The following DNAH11 variants were observed in gnomAD, a reference collection of about 807,000 sequenced individuals.
The protein encoded by DNAH11 is axonemal beta dynein heavy chain 11.
A neutral mutation model predicts 526.0 loss-of-function variants in DNAH11; 442 were observed. The observed-to-expected ratio is 0.84, with a 90% CI of 0.78 to 0.91. The LOEUF (loss-of-function observed/expected upper bound fraction) is 0.91. Ranked by LOEUF, DNAH11 falls within the 40% of genes least tolerant of loss-of-function variation. The pLI is 0.00. For missense variants in DNAH11, 6,989 were observed against 5,448.7 expected, an observed-to-expected ratio of 1.28 and a Z score of -8.90; for synonymous variants, 2,461 against 1,935.9, an observed-to-expected ratio of 1.27 and a Z score of -7.12.
chr7:21,790,398 C>G (rs1447390717), intron 61 of DNAH11, among the ~76,000 whole-genome samples: 1 of 152,090 alleles, frequency 6.6e-6, no homozygotes, highest in African/African-American at 2.4e-5. Flanking sequence ...TGCAGTGAGC[C>G]AAGATCACAC....
Position 21,702,752 on chromosome 7 carries a change from G to A in DNAH11, c.6223G>A (p.Val2075Ile), listed in dbSNP as rs1421984261. 1.2e-6 allele frequency: 2 copies of A among 1,613,544 alleles called. No homozygotes were observed. The highest frequency in any genetic ancestry group is 1.3e-5 in the African/African-American group (1 of 74,888). ...WGLRAIKSVL[V>I]VAGSLKRGDK... ...ACTTCGTGCTATTAAGTCTGTCTTG[G>A]TTGTGGCTGGATCTCTGAAACGAGG... The change falls in exon 37 of 82, where the codon GTT becomes ATT. Residue 2075 changes from valine (V) to isoleucine (I), a missense_variant. Coordinates refer to ENST00000409508, the MANE Select transcript of DNAH11 (RefSeq NM_001277115.2).
At position 21,735,851 on chromosome 7, in the gene DNAH11, G is replaced by A; in HGVS notation, c.7645+7G>A. ...ACATCCACAGCTCTGCAAAGTAAGT[G>A]CACCTGTTTATTTTCTAGAAACAAG... On this transcript the variant is annotated splice_region_variant and intron_variant, in intron 46 of 81. Coordinates refer to ENST00000409508, the MANE Select transcript of DNAH11 (RefSeq NM_001277115.2). The A allele has an allele frequency of 6.3e-7, 1 of 1,582,700 alleles. No homozygotes were observed. The highest frequency in any genetic ancestry group is 8.6e-7 in the Non-Finnish European group (1 of 1,161,594).
Position 21,873,331 on chromosome 7 carries a change from A to G in DNAH11, c.12025A>G (p.Ser4009Gly), listed in dbSNP as rs1270225505. 6.8e-6 allele frequency: 11 copies of G among 1,611,268 alleles called. No homozygotes were observed. The Admixed American group carries it at 1.2e-4, about 17-fold the overall frequency. The change falls in exon 74 of 82, where the codon AGC becomes GGC. Residue 4009 changes from serine (S) to glycine (G), a missense_variant. Ser to Gly is a moderately conservative substitution (Grantham distance 56). Transcript: ENST00000409508. ...GTLEKLLERFSQGSHRDYRVF... is the reference protein window; with the variant it reads ...GTLEKLLERFGQGSHRDYRVF... The stretch of plus-strand genomic sequence containing the variant: ...CTTGGAGAAGCTCCTTGAAAGATTC[A>G]GCCAAGGAAGCCACAGAGATTACAG...
At chr7:21,773,465 C>T (rs1787525271) in intron 55 of DNAH11, among the ~76,000 whole-genome samples, 1 of 151,830 alleles carries the variant, frequency 6.6e-6, no homozygotes, top group African/African-American at 2.4e-5. Context: ...CTCTTTCACA[C>T]ACTCGGTAGA....
chr7:21,858,994 G>C (rs1276851673), intron 68 of DNAH11, among the ~76,000 whole-genome samples: 1 of 152,122 alleles, frequency 6.6e-6, no homozygotes, highest in Non-Finnish European at 1.5e-5. Flanking sequence ...GATGCCCCAA[G>C]TGGAAAATTC....
chr7:21,577,634 C>A (rs1011345070), intron 8 of DNAH11, among the ~76,000 whole-genome samples: 4 of 152,160 alleles, frequency 2.6e-5, no homozygotes, highest in Admixed American at 6.5e-5. Context: ...TAACAAGGAG[C>A]CCCGCCCACC....
At chr7:21,889,307 T>C (rs1009017238) in intron 76 of DNAH11, among the ~76,000 whole-genome samples, 8 of 152,230 alleles carry the variant, frequency 5.3e-5, no homozygotes, top group South Asian at 4.1e-4. Context: ...CAGTGGACAT[T>C]TGGGTTGTTT....
chr7:21,611,483 T>C (rs1469729246), intron 20 of DNAH11, among the ~76,000 whole-genome samples: 1 of 152,192 alleles, frequency 6.6e-6, no homozygotes, highest in Non-Finnish European at 1.5e-5. Context: ...CATGTATCTA[T>C]TTATTTTTTC....
chr7:21,593,356 C>A (rs899234294), intron 14 of DNAH11, among the ~76,000 whole-genome samples: 1 of 152,186 alleles, frequency 6.6e-6, no homozygotes, highest in African/African-American at 2.4e-5. Flanking sequence ...TGGGAGTGGG[C>A]TGATGAGAGA....
intron 66 of DNAH11, among the ~76,000 whole-genome samples, chr7:21,844,699 C>G (rs1485501953): frequency 6.6e-6 from 1 of 152,184 alleles, no homozygotes; most frequent in Non-Finnish European, 1.5e-5. Context: ...TGGCCACACC[C>G]CAGATCCCAC....
chr7:21,638,990 A>G lies in DNAH11; in HGVS notation c.4869A>G (p.Ile1623Met), dbSNP rs549464041. ...CTGAATACCTGGAAACCAAGCGCAT[A>G]GCCTTTCCTCGCTTCTATTTCGTCT... The part of the protein sequence containing the change: ...ALAEYLETKR[I>M]AFPRFYFVSS... Residue 1623 changes from isoleucine to methionine, a missense_variant, in exon 28 of 82, where the codon ATA becomes ATG. Physicochemically the swap from Ile to Met is conservative, Grantham distance 10 (BLOSUM62 1). Transcript: ENST00000409508. 23 of 1,613,786 alleles carry G rather than the reference A, an allele frequency of 1.4e-5. No individual in the cohort carries two copies. The African/African-American group carries it at 2.1e-4, about 15-fold the overall frequency.
rs146213619 is a variant in DNAH11, at chr7:21,830,308, A to G, written c.10691+11969A>G. Among the ~76,000 whole-genome samples, 288 of 152,324 alleles carry G rather than the reference A, an allele frequency of 1.9e-3. 1 individual carries two copies. The highest frequency in any genetic ancestry group is 6.3e-3 in the African/African-American group (261 of 41,556). On this transcript the variant is annotated intron_variant, in intron 65 of 81. Coordinates refer to ENST00000409508, the MANE Select transcript of DNAH11 (RefSeq NM_001277115.2). Reference sequence around the variant, plus strand: ...AATTAATAATTCAATTTATGAATCTATTGACCAGAAATTATAGATCTCAGA... The same window carrying G: ...AATTAATAATTCAATTTATGAATCTGTTGACCAGAAATTATAGATCTCAGA...
intron 30 of DNAH11, among the ~76,000 whole-genome samples, chr7:21,661,352 G>A (rs914860827): frequency 6.6e-5 from 10 of 151,958 alleles, no homozygotes; most frequent in Admixed American, 4.6e-4. Context: ...AGTTTGTGCA[G>A]TGGTGAATTG....
chr7:21,723,855 C>G (rs1784975930), intron 44 of DNAH11, among the ~76,000 whole-genome samples: 1 of 151,668 alleles, frequency 6.6e-6, no homozygotes, highest in Non-Finnish European at 1.5e-5. Flanking sequence ...CTTAAAGATG[C>G]CTTCCCTGAA....
At chr7:21,673,323 T>C (rs1782720296) in intron 30 of DNAH11, among the ~76,000 whole-genome samples, 1 of 152,190 alleles carries the variant, frequency 6.6e-6, no homozygotes, top group Non-Finnish European at 1.5e-5. Flanking sequence ...TATATTCTCA[T>C]ATGTAAAACT....
At chr7:21,589,754 G>T (rs1314367873) in intron 12 of DNAH11, among the ~76,000 whole-genome samples, 1 of 152,116 alleles carries the variant, frequency 6.6e-6, no homozygotes, top group East Asian at 1.9e-4. Context: ...TGAATCATTT[G>T]TCTTTGCCGG....
chr7:21,812,890 T>G (rs560712426), intron 63 of DNAH11, among the ~76,000 whole-genome samples: 1 of 152,060 alleles, frequency 6.6e-6, no homozygotes, highest in East Asian at 1.9e-4. Context: ...AAGTCCAGTA[T>G]CCAGCCTGGG....
Position 21,866,635 on chromosome 7 carries a change from C to A in DNAH11, c.11662C>A (p.Arg3888Ser), listed in dbSNP as rs1260376096. ...GAAGCTGATTCTTCTGAGAGCAATG[C>A]GCCCTGACAGAATGACGTATGCTCT... ...IQKLILLRAM[R>S]PDRMTYALRN... is the part of the protein sequence containing the mutation. The change falls in exon 71 of 82, where the codon CGC (arginine) becomes AGC (serine). Residue 3888 changes from arginine to serine, a missense_variant. Transcript: ENST00000409508. 4 of 1,613,266 alleles carry A rather than the reference C, an allele frequency of 2.5e-6. No individual in the cohort carries two copies. Among genetic ancestry groups the A allele is most frequent in the Non-Finnish European group, 3.4e-6 (4 of 1,179,580 alleles).
chr7:21,731,342 A>G lies in DNAH11; in HGVS notation c.7441-4298A>G, dbSNP rs1410247085. On this transcript the variant is annotated intron_variant, in intron 45 of 81. Coordinates refer to ENST00000409508, the MANE Select transcript of DNAH11 (RefSeq NM_001277115.2). ...AAATTTAATTATAGTTGTAACCTGG[A>G]GAAACCCAACTGCACATAGAAAGAT... Among the ~76,000 whole-genome samples, 3 of 152,166 alleles carry G rather than the reference A, an allele frequency of 2.0e-5. No homozygotes were observed. The East Asian group carries it at 5.8e-4, about 29-fold the overall frequency.
Sources: allele counts gnomAD v4.1 joint callset (sites outside exome capture counted in the v4.1 genomes callset), GRCh38; gene constraint gnomAD v4.1.1; transcripts MANE v1.5; gene names NCBI Gene and HGNC (gene_info 2026-07-23, HGNC 2026-07-21).